Variants in TDRD3 observed in about 807,000 individuals in gnomAD.
TDRD3 encodes the protein tudor domain-containing protein 3.
Under a neutral mutation model 86.7 loss-of-function variants are expected in TDRD3, and 45 were observed. That is an observed-to-expected ratio of 0.52 (90% confidence interval 0.41 to 0.67). The LOEUF (loss-of-function observed/expected upper bound fraction) is 0.67, where lower values mean the gene tolerates loss of function less well. Ranked by LOEUF, TDRD3 falls within the 30% of genes least tolerant of loss-of-function variation. TDRD3 has a pLI of 0.00. For synonymous variants in TDRD3, 298 were observed against 301.7 expected (o/e 0.99, Z 0.13); for missense variants, 814 against 889.0 (o/e 0.92, Z 1.07).
intron 5 of TDRD3, among the ~76,000 whole-genome samples, chr13:60,470,686 C>T (rs142016546): frequency 0.012 from 1,836 of 150,442 alleles, 47 homozygotes; most frequent in African/African-American, 0.042. Flanking sequence ...CAGGTTCAAG[C>T]GATCTCCTGT....
chr13:60,397,328 C>A lies in TDRD3; in HGVS notation c.-37C>A. 3 of 1,372,256 alleles carry A rather than the reference C, an allele frequency of 2.2e-6. No homozygotes were observed. The highest frequency in any genetic ancestry group is 2.9e-6 in the Non-Finnish European group (3 of 1,036,574). 85.0% of individuals were successfully genotyped at this position (1,372,256 alleles called of 1,614,324 possible). On this transcript the variant is annotated 5_prime_UTR_variant, in exon 1 of 14. Transcript: ENST00000377881. ...GTAGGAGGCCTCCCCATCACCCCCA[C>A]CCCAGCCCCCCACCACCCCCGGCCT...
intron 1 of TDRD3, among the ~76,000 whole-genome samples, chr13:60,400,349 G>C (rs1954060213): frequency 6.6e-6 from 1 of 152,102 alleles, no homozygotes; most frequent in South Asian, 2.1e-4. Flanking sequence ...GTTGATCTCT[G>C]GACATTTTGA....
chr13:60,503,389 G>A (rs1422775063), intron 8 of TDRD3, among the ~76,000 whole-genome samples: 1 of 152,138 alleles, frequency 6.6e-6, no homozygotes. Context: ...GACTGATAAA[G>A]TTTAGTTATC....
intron 12 of TDRD3, among the ~76,000 whole-genome samples, chr13:60,552,517 G>A (rs1958087600): frequency 6.6e-6 from 1 of 152,224 alleles, no homozygotes; most frequent in Non-Finnish European, 1.5e-5. Context: ...CAAGCACACG[G>A]TGCAAGCTAT....
At chr13:60,565,709 C>G (rs762830927) in intron 12 of TDRD3, among the ~76,000 whole-genome samples, 11 of 152,158 alleles carry the variant, frequency 7.2e-5, no homozygotes, top group Non-Finnish European at 1.6e-4. Flanking sequence ...ATTACTTCAT[C>G]TCCTACAGTA....
At chr13:60,552,461 C>T (rs1257930916) in intron 12 of TDRD3, among the ~76,000 whole-genome samples, 2 of 152,214 alleles carry the variant, frequency 1.3e-5, no homozygotes, top group Non-Finnish European at 2.9e-5. Context: ...GGGTGCAGCC[C>T]TTATGACTGC....
intron 1 of TDRD3, among the ~76,000 whole-genome samples, chr13:60,437,208 C>A (rs754712079): frequency 6.9e-6 from 1 of 145,368 alleles, no homozygotes; most frequent in Non-Finnish European, 1.5e-5. Flanking sequence ...CTCACTGCAA[C>A]CTCTGCCTCC....
chr13:60,564,760 T>A (rs901007331), intron 12 of TDRD3, among the ~76,000 whole-genome samples: 20 of 152,210 alleles, frequency 1.3e-4, no homozygotes, highest in African/African-American at 3.9e-4. Context: ...TACAGAGTAC[T>A]GAGACCTAAA....
At chr13:60,540,748 CAT>C (rs1406036070) in intron 12 of TDRD3, among the ~76,000 whole-genome samples, 9 of 152,032 alleles carry the variant, frequency 5.9e-5, no homozygotes, top group Non-Finnish European at 7.4e-5. Context: ...CTGATAATAA[CAT>C]ATTATAATCT....
chr13:60,513,584 A>G (rs1957104625), intron 10 of TDRD3, among the ~76,000 whole-genome samples: 1 of 152,156 alleles, frequency 6.6e-6, no homozygotes, highest in Non-Finnish European at 1.5e-5. Flanking sequence ...CCCAAATCTC[A>G]TCTTGAATTC....
At chr13:60,557,063 G>A (rs1029206764) in intron 12 of TDRD3, among the ~76,000 whole-genome samples, 3 of 151,946 alleles carry the variant, frequency 2.0e-5, no homozygotes, top group Non-Finnish European at 4.4e-5. Context: ...AAAATTAGCC[G>A]GGCATGGTGG....
chr13:60,507,507 T>A (rs1956964904), intron 8 of TDRD3, among the ~76,000 whole-genome samples: 1 of 152,094 alleles, frequency 6.6e-6, no homozygotes, highest in South Asian at 2.1e-4. Context: ...CACAGTGCAA[T>A]GAAATTAAAA....
intron 10 of TDRD3, among the ~76,000 whole-genome samples, chr13:60,526,713 G>A (rs1957444653): frequency 6.6e-6 from 1 of 151,440 alleles, no homozygotes; most frequent in Non-Finnish European, 1.5e-5. Context: ...ACAGTTAAGG[G>A]GTGGTTTGAC....
intron 1 of TDRD3, among the ~76,000 whole-genome samples, chr13:60,430,217 C>G (rs547727945): frequency 6.6e-6 from 1 of 152,150 alleles, no homozygotes. Context: ...TAATACCTTA[C>G]ATTTATAAAT....
At chr13:60,571,129 C>T (rs1958577526) in intron 13 of TDRD3, among the ~76,000 whole-genome samples, 1 of 152,082 alleles carries the variant, frequency 6.6e-6, no homozygotes, top group East Asian at 1.9e-4. Flanking sequence ...CATGAGGTAT[C>T]ATTTTAAAAC....
At chr13:60,510,891 C>A in intron 10 of TDRD3, 136 bp downstream of exon 10, 1 of 849,186 alleles carries the variant, frequency 1.2e-6, no homozygotes, top group Admixed American at 3.8e-5. Context: ...GAACGTATAT[C>A]CTGAGTGTTT....
chr13:60,535,269 A>C (rs750059542), intron 12 of TDRD3, 36 bp downstream of exon 12: 7 of 1,566,828 alleles, frequency 4.5e-6, no homozygotes, highest in East Asian at 2.3e-5. Context: ...GGCATAAACT[A>C]TTTTGAAGAA....
intron 1 of TDRD3, among the ~76,000 whole-genome samples, chr13:60,430,166 T>C (rs992902918): frequency 3.9e-5 from 6 of 152,188 alleles, no homozygotes; most frequent in African/African-American, 1.4e-4. Flanking sequence ...TAAAAAGTGA[T>C]AGTCTCTCCA....
intron 4 of TDRD3, among the ~76,000 whole-genome samples, chr13:60,467,015 A>G (rs530597175): frequency 6.6e-6 from 1 of 152,106 alleles, no homozygotes; most frequent in African/African-American, 2.4e-5. Context: ...GTACATGTGT[A>G]GGATGTGCAG....
Sources: allele counts gnomAD v4.1 joint callset (sites outside exome capture counted in the v4.1 genomes callset), GRCh38; gene constraint gnomAD v4.1.1; transcripts MANE v1.5; gene names NCBI Gene and HGNC (gene_info 2026-07-23, HGNC 2026-07-21).